The following PTPRT variants were observed in gnomAD, a reference collection of about 807,000 sequenced individuals.
PTPRT encodes protein tyrosine phosphatase receptor type T, also known as receptor-type tyrosine-protein phosphatase T.
Under a neutral mutation model 176.8 loss-of-function variants are expected in PTPRT, and 56 were observed. That is an observed-to-expected ratio of 0.32 (90% CI 0.26 to 0.40). PTPRT has a LOEUF of 0.40. Among genes scored for constraint, PTPRT ranks in the 10% least tolerant of loss-of-function variants. The pLI is 1.00. For missense variants in PTPRT, 1,540 were observed against 1,908.2 expected (o/e 0.81, Z 3.60); for synonymous variants, 783 against 739.0 (o/e 1.06, Z -0.96).
chr20:42,969,159 G>C (rs1172358311), intron 1 of PTPRT: 1 of 152,172 alleles, frequency 6.6e-6, no homozygotes, highest in African/African-American at 2.4e-5. Flanking sequence ...TTTGGTGATT[G>C]TTCTCAATTT....
At chr20:42,656,787 A>C (rs1159514048) in intron 7 of PTPRT, among the ~76,000 whole-genome samples, 1 of 152,208 alleles carries the variant, frequency 6.6e-6, no homozygotes, top group African/African-American at 2.4e-5. Context: ...TCAATTGTAC[A>C]TCTATATAAC....
At chr20:43,180,074 C>T (rs933217346) in intron 1 of PTPRT, among the ~76,000 whole-genome samples, 1 of 152,190 alleles carries the variant, frequency 6.6e-6, no homozygotes, top group African/African-American at 2.4e-5. Flanking sequence ...TCCTCCAATC[C>T]ACTGGGGGCC....
chr20:42,909,805 A>C lies in PTPRT; in HGVS notation c.89-23873T>G, dbSNP rs1459687657. 3.3e-5 allele frequency among the ~76,000 whole-genome samples: 5 copies of C among 152,306 alleles called. No homozygotes were observed. The East Asian group carries it at 9.7e-4, about 29-fold the overall frequency. On this transcript the variant is annotated intron_variant, in intron 1 of 30. Transcript: ENST00000373187. Reference sequence around the variant, plus strand: ...CACCATTATTCACTTGCTTTCACACAAGCATGTTGGATTTCACCTTGGGGA... The same window carrying C: ...CACCATTATTCACTTGCTTTCACACCAGCATGTTGGATTTCACCTTGGGGA...
At chr20:42,676,382 T>C (rs1343510260) in intron 7 of PTPRT, among the ~76,000 whole-genome samples, 1 of 152,180 alleles carries the variant, frequency 6.6e-6, no homozygotes, top group African/African-American at 2.4e-5. Flanking sequence ...TGTATGCACT[T>C]TCCCTTGCTG....
intron 2 of PTPRT, among the ~76,000 whole-genome samples, chr20:42,793,021 T>C (rs1263663284): frequency 1.3e-5 from 2 of 152,188 alleles, no homozygotes; most frequent in African/African-American, 4.8e-5. Context: ...CGGATGGCCA[T>C]GGACCCACCC....
At chr20:43,005,846 A>T (rs1984828105) in intron 1 of PTPRT, among the ~76,000 whole-genome samples, 2 of 152,238 alleles carry the variant, frequency 1.3e-5, no homozygotes, top group Non-Finnish European at 2.9e-5. Context: ...TAATCACAAG[A>T]AGTACACAAA....
Position 42,616,847 on chromosome 20 carries a change from A to G in PTPRT, c.1153+61019T>C, listed in dbSNP as rs796151407. ...CTTAAGGAGATTTTGGGCTGAGACA[A>G]TGGGGTTTTCTAGATATACAATCAT... On this transcript the variant is annotated intron_variant, in intron 7 of 30. Coordinates refer to ENST00000373187, the MANE Select transcript of PTPRT (RefSeq NM_007050.6). Among the ~76,000 whole-genome samples, 443 of 136,574 alleles carry G rather than the reference A, an allele frequency of 3.2e-3. 16 individuals are homozygous for G. The highest frequency in any genetic ancestry group is 0.028 in the East Asian group (140 of 5,088). 89.6% of individuals were successfully genotyped at this position (136,574 alleles called of 152,430 possible).
rs6102718 is a variant in PTPRT at position 42,184,614 on chromosome 20, T to C, written c.2491+14626A>G. On this transcript the variant is annotated intron_variant, in intron 16 of 30. Coordinates refer to ENST00000373187, the MANE Select transcript of PTPRT (RefSeq NM_007050.6). ...TTCTTCCTCTTCTTCTTCTTCTTCT[T>C]CTCCTCCTTCTTCTCCTTCTCTCTC... Among the ~76,000 whole-genome samples, 1,143 of 141,826 alleles carry C rather than the reference T, an allele frequency of 8.1e-3. 81 individuals are homozygous for C. Among genetic ancestry groups the C allele is most frequent in the African/African-American group, 0.029 (1,037 of 35,164 alleles). 93.0% of individuals were successfully genotyped at this position (141,826 alleles called of 152,430 possible).
intron 2 of PTPRT, among the ~76,000 whole-genome samples, chr20:42,862,450 T>C (rs926256089): frequency 6.6e-6 from 1 of 151,952 alleles, no homozygotes; most frequent in South Asian, 2.1e-4. Context: ...GGAAATTGGG[T>C]CTATTGTGTG....
intron 1 of PTPRT, among the ~76,000 whole-genome samples, chr20:42,893,707 T>C (rs2079238265): frequency 6.6e-6 from 1 of 151,790 alleles, no homozygotes; most frequent in Non-Finnish European, 1.5e-5. Flanking sequence ...TCATGTCCTT[T>C]GTAGGGACAT....
chr20:43,141,917 C>T (rs1030782639), intron 1 of PTPRT, among the ~76,000 whole-genome samples: 1 of 152,080 alleles, frequency 6.6e-6, no homozygotes, highest in African/African-American at 2.4e-5. Flanking sequence ...ATTCAGGCAC[C>T]CTTGATCAGA....
downstream of PTPRT, among the ~76,000 whole-genome samples, chr20:42,072,393 A>C (rs1600441100): frequency 6.6e-6 from 1 of 152,310 alleles, no homozygotes; most frequent in East Asian, 1.9e-4. Flanking sequence ...AGCCATAGCT[A>C]GCTGATACAT....
In PTPRT at chr20:42,881,774, G is replaced by A. The variant is rs916505064; in HGVS notation, c.214+4033C>T. On this transcript the variant is annotated intron_variant, in intron 2 of 30. Transcript: ENST00000373187. ...AGAGAGAGAGAGACAACCAAAGAAC[G>A]AAAGAGAAATCAACAAAGTGAAGAA... is the stretch of plus-strand genomic sequence containing the variant. 1.0e-4 allele frequency among the ~76,000 whole-genome samples: 15 copies of A among 143,538 alleles called. No individual in the cohort carries two copies. The South Asian group carries it at 2.8e-3, about 27-fold the overall frequency. The allele number at this position is 143,538 out of a possible 152,430, so 94.2% of individuals were successfully genotyped here. A position where few individuals can be genotyped will look rare whatever the true frequency, so the allele number is the denominator to read the frequency against.
chr20:43,095,654 T>C (rs1406603535), intron 1 of PTPRT, among the ~76,000 whole-genome samples: 1 of 146,446 alleles, frequency 6.8e-6, no homozygotes, highest in Non-Finnish European at 1.5e-5. Flanking sequence ...CTCTCCCACC[T>C]CTCTTCCCTT....
intron 2 of PTPRT, among the ~76,000 whole-genome samples, chr20:42,864,137 T>C (rs1188133131): frequency 2.0e-5 from 3 of 152,222 alleles, no homozygotes; most frequent in African/African-American, 7.2e-5. Context: ...TGGGCGTTTC[T>C]GCCCCAGGCC....
In PTPRT at chr20:43,189,574, C is replaced by A. The variant is rs1020951815; in HGVS notation, c.88+72G>T. 1.9e-5 allele frequency: 20 copies of A among 1,030,540 alleles called. No individual in the cohort carries two copies. Among genetic ancestry groups the A allele is most frequent in the East Asian group, 3.7e-5 (1 of 27,160 alleles). 63.8% of individuals were successfully genotyped at this position (1,030,540 alleles called of 1,614,324 possible). On this transcript the variant is annotated intron_variant, in intron 1 of 30. Transcript: ENST00000373187. This position sits in a 1 kb window ranked among gnomAD's most constrained non-coding sequence, Gnocchi z 5.0. ...CCCACACAACTTTCTCCTCCGAGGG[C>A]CCCGCGGCTGGGGGCCCGCGCGCAT...
At chr20:42,122,912 T>A (rs1041128675) in intron 19 of PTPRT, among the ~76,000 whole-genome samples, 2 of 152,210 alleles carry the variant, frequency 1.3e-5, no homozygotes, top group Non-Finnish European at 2.9e-5. Flanking sequence ...TGCTTCAGCC[T>A]CACCAAGCTG....
At chr20:42,709,304 G>A (rs988251185) in intron 6 of PTPRT, among the ~76,000 whole-genome samples, 1 of 152,170 alleles carries the variant, frequency 6.6e-6, no homozygotes, top group African/African-American at 2.4e-5. Flanking sequence ...GTTGGAGGTG[G>A]GACCTGGTGG....
chr20:42,454,318 T>C (rs2070884271), intron 8 of PTPRT, among the ~76,000 whole-genome samples: 1 of 152,220 alleles, frequency 6.6e-6, no homozygotes. Flanking sequence ...GTATATTTGA[T>C]TGAACATATA....
Sources: gnomAD v4.1 joint callset for allele counts (sites outside exome capture counted in the v4.1 genomes callset) on GRCh38, gnomAD v4.1.1 for gene constraint, Gnocchi (gnomAD v3.1) non-coding constraint, MANE v1.5 for transcripts, NCBI Gene and HGNC (gene_info 2026-07-23, HGNC 2026-07-21) for gene names.